Variants in KL observed in about 807,000 individuals in gnomAD.
The protein encoded by KL is alpha-klotho.
Under a neutral mutation model 84.2 loss-of-function variants are expected in KL, and 62 were observed. The observed-to-expected ratio is 0.74, with a 90% CI of 0.60 to 0.91. The LOEUF (loss-of-function observed/expected upper bound fraction) is 0.91, where lower values mean the gene tolerates loss of function less well. KL is among the 40% of genes least tolerant of loss of function. KL has a pLI of 0.00. For synonymous variants in KL, 528 were observed against 528.0 expected (o/e 1.00, Z 0.00); for missense variants, 1,261 against 1,305.7 (o/e 0.97, Z 0.53).
chr13:33,034,777 T>C (rs889223756), intron 1 of KL, among the ~76,000 whole-genome samples: 1 of 152,184 alleles, frequency 6.6e-6, no homozygotes, highest in African/African-American at 2.4e-5. Flanking sequence ...AGGCACACAA[T>C]AGATGCTCAA....
intron 1 of KL, among the ~76,000 whole-genome samples, chr13:33,022,770 T>C (rs577533919): frequency 2.8e-4 from 42 of 152,346 alleles, no homozygotes; most frequent in African/African-American, 9.9e-4. Context: ...ATTTCAAAAT[T>C]TGTAGTGCTT....
At chr13:33,020,963 C>T (rs1175897184) in intron 1 of KL, among the ~76,000 whole-genome samples, 1 of 152,168 alleles carries the variant, frequency 6.6e-6, no homozygotes, top group Non-Finnish European at 1.5e-5. Flanking sequence ...CCATCTCTTC[C>T]TTCTATGGCA....
Position 33,064,059 on chromosome 13 carries a change from C to G in KL, c.2912C>G (p.Thr971Ser), listed in dbSNP as rs1282693353. 6.2e-7 allele frequency: 1 copy of G among 1,614,046 alleles called. No homozygotes were observed. The highest frequency in any genetic ancestry group is 1.7e-5 in the Admixed American group (1 of 60,006). The change falls in exon 5 of 5, where the codon ACT becomes AGT. Residue 971 changes from threonine (T) to serine (S), a missense_variant. Coordinates refer to ENST00000380099, the MANE Select transcript of KL (RefSeq NM_004795.4). ...TGTCCAGAAGAATTCACCGTGTGTA[C>G]TGAGTGCAGTTTTTTTCACACCCGA... ...RFCPEEFTVC[T>S]ECSFFHTRKS...
rs1313035313 is a variant in KL, at chr13:33,039,584, A to T, written c.820-14183A>T. ...CGTGGGGAGCCAAACAAGACTTCAC[A>T]GGGGAGATGGGAATTGAGCCAAATT... is the stretch of plus-strand genomic sequence containing the variant. On this transcript the variant is annotated intron_variant, in intron 1 of 4. Coordinates refer to ENST00000380099, the MANE Select transcript of KL (RefSeq NM_004795.4). Among the ~76,000 whole-genome samples the T allele has an allele frequency of 2.0e-5, 3 of 152,278 alleles. No homozygotes were observed. The South Asian group carries it at 6.2e-4, about 32-fold the overall frequency.
At chr13:33,048,110 G>A (rs1871605578) in intron 1 of KL, among the ~76,000 whole-genome samples, 1 of 151,928 alleles carries the variant, frequency 6.6e-6, no homozygotes, top group Non-Finnish European at 1.5e-5. Context: ...CTTGGCTTCT[G>A]TTGATATTGA....
chr13:33,024,925 G>C (rs751297602), intron 1 of KL, among the ~76,000 whole-genome samples: 2 of 152,092 alleles, frequency 1.3e-5, no homozygotes, highest in Admixed American at 6.6e-5. Context: ...AAGGTATACT[G>C]CTTGGGCTGC....
chr13:33,053,700 T>A (rs937603089), intron 1 of KL, 67 bp from the exon 2 acceptor site: 12 of 1,428,682 alleles, frequency 8.4e-6, no homozygotes, highest in Admixed American at 1.7e-5. Context: ...GATTTGGGGA[T>A]TCAAGTATTA....
At chr13:33,060,412 A>G (rs1872130889) in intron 3 of KL, among the ~76,000 whole-genome samples, 1 of 152,220 alleles carries the variant, frequency 6.6e-6, no homozygotes, top group African/African-American at 2.4e-5. Context: ...AGCATTTGTC[A>G]TCTGAAGTGA....
At chr13:33,020,166 A>G (rs531330335) in intron 1 of KL, among the ~76,000 whole-genome samples, 36 of 152,272 alleles carry the variant, frequency 2.4e-4, no homozygotes, top group Admixed American at 7.2e-4. Context: ...TAGGGCTAGG[A>G]GATATTAATC....
chr13:33,059,396 G>A (rs1468883282), intron 3 of KL, among the ~76,000 whole-genome samples: 5 of 151,866 alleles, frequency 3.3e-5, no homozygotes, highest in African/African-American at 1.2e-4. Flanking sequence ...TTTTAACTAC[G>A]TTAAAAATTC....
At position 33,064,339 on chromosome 13, in the gene KL, G is replaced by T; in HGVS notation, c.*153G>T. The T allele has an allele frequency of 1.6e-6, 1 of 614,658 alleles. No homozygotes were observed. The allele number at this position is 614,658 out of a possible 1,614,324, so 38.1% of individuals were successfully genotyped here. A position where few individuals can be genotyped will look rare whatever the true frequency, so the allele number is the denominator to read the frequency against. On this transcript the variant is annotated 3_prime_UTR_variant, in exon 5 of 5. Coordinates refer to ENST00000380099, the MANE Select transcript of KL (RefSeq NM_004795.4). ...TGGCTTATGACAGAGGTTTTGAAATGGGCATAGGTGATCGTAAAATATTGA... is the reference window on the plus strand; with the variant it reads ...TGGCTTATGACAGAGGTTTTGAAATTGGCATAGGTGATCGTAAAATATTGA...
intron 1 of KL, among the ~76,000 whole-genome samples, chr13:33,019,432 G>A (rs1028121962): frequency 6.6e-6 from 1 of 152,140 alleles, no homozygotes; most frequent in Admixed American, 6.5e-5. Flanking sequence ...ATAGGGGCCA[G>A]TTGTGTTCCG....
intron 1 of KL, among the ~76,000 whole-genome samples, chr13:33,018,440 ATGT>A (rs929215559): frequency 2.8e-4 from 43 of 152,328 alleles, no homozygotes; most frequent in African/African-American, 9.4e-4. Flanking sequence ...GCTGCTGGTA[ATGT>A]TGTAATAATG....
chr13:33,057,374 T>C (rs1312963292), intron 3 of KL, among the ~76,000 whole-genome samples: 1 of 152,110 alleles, frequency 6.6e-6, no homozygotes, highest in South Asian at 2.1e-4. Context: ...AGTGAGAAAG[T>C]CTTAAGGGTA....
At chr13:33,018,003 TG>T (rs748242002) in intron 1 of KL, among the ~76,000 whole-genome samples, 2 of 152,250 alleles carry the variant, frequency 1.3e-5, no homozygotes, top group Non-Finnish European at 2.9e-5. Context: ...TAAAATTAAT[TG>T]TAACACCCTT....
Position 33,016,732 on chromosome 13 carries a change from C to G in KL, c.292C>G (p.Leu98Val), listed in dbSNP as rs762177521. The change falls in exon 1 of 5, where the codon CTG becomes GTG. Residue 98 changes from leucine (L) to valine (V), a missense_variant. Leu to Val is a conservative substitution (Grantham distance 32). Transcript: ENST00000380099. ...CTGGGATACGTTCACCCACCACCCCCTGGCACCCCCGGGAGACTCCCGGAA... is the reference window on the plus strand; with the variant it reads ...CTGGGATACGTTCACCCACCACCCCGTGGCACCCCCGGGAGACTCCCGGAA... Reference protein sequence around the residue: ...SIWDTFTHHPLAPPGDSRNAS... With the variant: ...SIWDTFTHHPVAPPGDSRNAS... 1.2e-6 allele frequency: 2 copies of G among 1,611,240 alleles called. No individual in the cohort carries two copies. The highest frequency in any genetic ancestry group is 2.2e-5 in the South Asian group (2 of 90,820).
intron 1 of KL, among the ~76,000 whole-genome samples, chr13:33,038,797 G>GA (rs1593797609): frequency 6.6e-6 from 1 of 151,924 alleles, no homozygotes; most frequent in African/African-American, 2.4e-5. Flanking sequence ...TCCTGTGGGG[G>GA]AAAAAATGAA....
intron 1 of KL, among the ~76,000 whole-genome samples, chr13:33,024,762 T>C (rs1486384381): frequency 1.3e-5 from 2 of 152,176 alleles, no homozygotes; most frequent in South Asian, 2.1e-4. Flanking sequence ...AGTTCTTCCA[T>C]AGAGACCTGT....
chr13:33,045,687 C>A (rs548331803), intron 1 of KL, among the ~76,000 whole-genome samples: 8 of 152,284 alleles, frequency 5.3e-5, no homozygotes, highest in African/African-American at 1.9e-4. Context: ...CGATGTTGGT[C>A]AGGCTGCTCT....
Sources: gnomAD v4.1 joint callset for allele counts (sites outside exome capture counted in the v4.1 genomes callset) on GRCh38, gnomAD v4.1.1 for gene constraint, MANE v1.5 for transcripts, NCBI Gene and HGNC (gene_info 2026-07-23, HGNC 2026-07-21) for gene names.